The following CCSER1 variants were observed in gnomAD, a reference collection of about 807,000 sequenced individuals.
The protein encoded by CCSER1 is serine-rich coiled-coil domain-containing protein 1.
Under a neutral mutation model 82.0 loss-of-function variants are expected in CCSER1, and 41 were observed. The observed-to-expected ratio is 0.50, with a 90% CI of 0.39 to 0.65. The LOEUF (loss-of-function observed/expected upper bound fraction) is 0.65. Among genes scored for constraint, CCSER1 ranks in the 30% least tolerant of loss-of-function variants. CCSER1 has a pLI of 0.00. For synonymous variants in CCSER1, 414 were observed against 383.9 expected (o/e 1.08, Z -0.92); for missense variants, 1,119 against 1,064.2 (o/e 1.05, Z -0.72).
At chr4:91,263,663 A>G (rs1272100364) in intron 10 of CCSER1, among the ~76,000 whole-genome samples, 2 of 152,016 alleles carry the variant, frequency 1.3e-5, no homozygotes, top group Non-Finnish European at 1.5e-5. Context: ...ATTATTTTAA[A>G]TATTGGGCAT....
chr4:90,292,335 A>G (rs1731084535), intron 1 of CCSER1, among the ~76,000 whole-genome samples: 2 of 151,958 alleles, frequency 1.3e-5, no homozygotes, highest in Admixed American at 6.6e-5. Context: ...GTATATTTGT[A>G]TGTGTACTAA....
chr4:90,711,170 A>T (rs1010746058), intron 6 of CCSER1, among the ~76,000 whole-genome samples: 1 of 152,148 alleles, frequency 6.6e-6, no homozygotes, highest in Non-Finnish European at 1.5e-5. Flanking sequence ...TGATTTTTAC[A>T]CATTGATTTT....
At chr4:90,624,396 A>G (rs1307241748) in intron 5 of CCSER1, among the ~76,000 whole-genome samples, 1 of 139,020 alleles carries the variant, frequency 7.2e-6, no homozygotes, top group Non-Finnish European at 1.6e-5. Context: ...AGTTATAGCT[A>G]AGTGAGAAAA....
At chr4:90,902,988 T>C (rs1724888530) in intron 8 of CCSER1, among the ~76,000 whole-genome samples, 1 of 152,142 alleles carries the variant, frequency 6.6e-6, no homozygotes, top group Non-Finnish European at 1.5e-5. Flanking sequence ...TTCATTTATA[T>C]AGACTTTAAC....
At chr4:91,291,269 A>G (rs1443125267) in intron 10 of CCSER1, among the ~76,000 whole-genome samples, 4 of 152,018 alleles carry the variant, frequency 2.6e-5, no homozygotes, top group Admixed American at 2.0e-4. Context: ...TATAATTTAG[A>G]TTTAGCAGTT....
Position 91,605,182 on chromosome 4 carries a change from T to G in CCSER1, c.*6125T>G, listed in dbSNP as rs887267122. The G allele has an allele frequency of 2.0e-5, 3 of 152,082 alleles. No individual in the cohort carries two copies. Among genetic ancestry groups the G allele is most frequent in the African/African-American group, 7.2e-5 (3 of 41,442 alleles). The allele number at this position is 152,082 out of a possible 1,614,324, so 9.4% of individuals were successfully genotyped here. A position where few individuals can be genotyped will look rare whatever the true frequency, so the allele number is the denominator to read the frequency against. ...TCCTAAGAAAAATAGTGATTTTTAT[T>G]TAATGAAAATTTCTCAATTTGGTTA... On this transcript the variant is annotated 3_prime_UTR_variant, in exon 11 of 11. Coordinates refer to ENST00000509176, the MANE Select transcript of CCSER1 (RefSeq NM_001145065.2).
intron 1 of CCSER1, among the ~76,000 whole-genome samples, chr4:90,177,510 G>C (rs554985523): frequency 6.6e-6 from 1 of 152,200 alleles, no homozygotes; most frequent in East Asian, 1.9e-4. Context: ...CGTACACTTA[G>C]AGACTGACCT....
intron 10 of CCSER1, among the ~76,000 whole-genome samples, chr4:91,175,745 T>C (rs545365009): frequency 3.0e-4 from 45 of 152,318 alleles, no homozygotes; most frequent in African/African-American, 1.1e-3. Flanking sequence ...GATGGGTAGA[T>C]GGTAAAAATT....
At chr4:90,192,555 A>G (rs1419922002) in intron 1 of CCSER1, among the ~76,000 whole-genome samples, 1 of 152,086 alleles carries the variant, frequency 6.6e-6, no homozygotes, top group African/African-American at 2.4e-5. Context: ...CTTGTAAAAG[A>G]CATTTACCCT....
At chr4:90,303,462 A>G (rs556567644) in intron 1 of CCSER1, among the ~76,000 whole-genome samples, 51 of 152,236 alleles carry the variant, frequency 3.4e-4, no homozygotes, top group African/African-American at 1.2e-3. Context: ...GATATAGATC[A>G]ATGGAACAGA....
At chr4:91,017,351 G>A (rs373632784) in intron 9 of CCSER1, 3 of 152,148 alleles carry the variant, frequency 2.0e-5, no homozygotes, top group African/African-American at 7.2e-5. Context: ...ATTAAACCTT[G>A]ATCTTCCATT....
intron 6 of CCSER1, among the ~76,000 whole-genome samples, chr4:90,658,506 C>T (rs925667924): frequency 6.6e-6 from 1 of 152,150 alleles, no homozygotes; most frequent in Non-Finnish European, 1.5e-5. Flanking sequence ...CTGCTTAAGA[C>T]CTGTCATTCT....
chr4:91,521,394 C>G (rs1388401218), intron 10 of CCSER1, among the ~76,000 whole-genome samples: 2 of 152,162 alleles, frequency 1.3e-5, no homozygotes, highest in East Asian at 3.8e-4. Flanking sequence ...AGTATATACC[C>G]AGTAATGGGA....
chr4:90,973,325 A>G (rs1735295118), intron 9 of CCSER1, among the ~76,000 whole-genome samples: 1 of 151,784 alleles, frequency 6.6e-6, no homozygotes, highest in Non-Finnish European at 1.5e-5. Context: ...AATAGAAGAA[A>G]ACAAATAACC....
intron 4 of CCSER1, among the ~76,000 whole-genome samples, chr4:90,408,323 G>T (rs1385552034): frequency 6.6e-6 from 1 of 152,216 alleles, no homozygotes; most frequent in Non-Finnish European, 1.5e-5. Context: ...CTGAGAATGG[G>T]CAGACTGCCT....
chr4:91,586,550 T>C (rs1764003964), intron 10 of CCSER1, among the ~76,000 whole-genome samples: 1 of 151,734 alleles, frequency 6.6e-6, no homozygotes, highest in Non-Finnish European at 1.5e-5. Flanking sequence ...TGAACTCCAT[T>C]AAAATGCCTC....
intron 10 of CCSER1, among the ~76,000 whole-genome samples, chr4:91,241,436 T>C (rs1325805817): frequency 6.8e-6 from 1 of 147,914 alleles, no homozygotes; most frequent in Admixed American, 6.8e-5. Flanking sequence ...CGCCATTCTC[T>C]TGCCTCAGCC....
At chr4:90,535,202 G>A (rs1018223033) in intron 5 of CCSER1, among the ~76,000 whole-genome samples, 1 of 151,924 alleles carries the variant, frequency 6.6e-6, no homozygotes, top group Non-Finnish European at 1.5e-5. Context: ...GAATATTTGT[G>A]TGAATTTTTT....
chr4:91,225,607 ATTG>A (rs1738137247), intron 10 of CCSER1, among the ~76,000 whole-genome samples: 1 of 151,610 alleles, frequency 6.6e-6, no homozygotes, highest in Non-Finnish European at 1.5e-5. Context: ...TTAACTAAAT[ATTG>A]TTAAGAACCC....
Sources: gnomAD v4.1 joint callset for allele counts (sites outside exome capture counted in the v4.1 genomes callset) on GRCh38, gnomAD v4.1.1 for gene constraint, MANE v1.5 for transcripts, NCBI Gene and HGNC (gene_info 2026-07-23, HGNC 2026-07-21) for gene names.